IMMP2L: variants seen among roughly 807,000 people sequenced by gnomAD.
IMMP2L encodes the protein inner mitochondrial membrane peptidase subunit 2.
Under a neutral mutation model 19.3 loss-of-function variants are expected in IMMP2L, and 18 were observed. That is an observed-to-expected ratio of 0.93 (90% CI 0.64 to 1.38). The LOEUF (loss-of-function observed/expected upper bound fraction) is 1.38, where lower values mean the gene tolerates loss of function less well. IMMP2L is among the 40% of genes most tolerant of loss of function. The pLI is 0.00. For missense variants in IMMP2L, 233 were observed against 218.2 expected (o/e 1.07, Z -0.43); for synonymous variants, 76 against 73.0 (o/e 1.04, Z -0.21).
At chr7:111,154,755 T>A (rs1804455445) in intron 3 of IMMP2L, among the ~76,000 whole-genome samples, 1 of 152,060 alleles carries the variant, frequency 6.6e-6, no homozygotes, top group African/African-American at 2.4e-5. Flanking sequence ...CTTTCTTTGT[T>A]GTTATTGTTG....
chr7:111,218,751 G>A (rs763172589), intron 3 of IMMP2L, among the ~76,000 whole-genome samples: 16 of 151,894 alleles, frequency 1.1e-4, no homozygotes, highest in Non-Finnish European at 2.1e-4. Flanking sequence ...CCAGGGCTAC[G>A]TACATCAATG....
At chr7:110,914,067 T>C (rs1421726832) in intron 4 of IMMP2L, among the ~76,000 whole-genome samples, 1 of 152,174 alleles carries the variant, frequency 6.6e-6, no homozygotes, top group Non-Finnish European at 1.5e-5. Context: ...TCAAAAAAAC[T>C]GTTGCCATGA....
At position 111,213,183 on chromosome 7, in the gene IMMP2L, G is replaced by C. The variant is rs1413137056; in HGVS notation, c.240-249618C>G. The stretch of plus-strand genomic sequence containing the variant: ...ACTGCCTCGCCTCTCCTTGCTCCCT[G>C]CACTTGCTCCGATCTTGGAGTGGAG... On this transcript the variant is annotated intron_variant, in intron 3 of 5. Transcript: ENST00000405709. The surrounding 1 kb of genome is among the most constrained non-coding windows in gnomAD (Gnocchi z 4.8). 6.6e-6 allele frequency among the ~76,000 whole-genome samples: 1 copy of C among 152,234 alleles called. No individual in the cohort carries two copies. Among genetic ancestry groups the C allele is most frequent in the African/African-American group, 2.4e-5 (1 of 41,460 alleles).
At chr7:111,115,406 C>T (rs1799758587) in intron 3 of IMMP2L, among the ~76,000 whole-genome samples, 1 of 152,044 alleles carries the variant, frequency 6.6e-6, no homozygotes, top group Non-Finnish European at 1.5e-5. Context: ...AATATAACTA[C>T]AAATCAGAAT....
chr7:111,530,190 T>TTCCAGATG lies in IMMP2L; in HGVS notation c.-2-8742_-2-8741insCATCTGGA, dbSNP rs746015669. ...TTTTCATCTGTGAAACCTTGCAGGG[T>TTCCAGATG]TTCCAGAGGTTCAAAATGTTCATAT... On this transcript the variant is annotated intron_variant, in intron 1 of 5. Coordinates refer to ENST00000405709, the MANE Select transcript of IMMP2L (RefSeq NM_032549.4). Among the ~76,000 whole-genome samples, 914 of 152,268 alleles carry TTCCAGATG rather than the reference T, an allele frequency of 6.0e-3. 3 individuals are homozygous for TTCCAGATG. Among genetic ancestry groups the TTCCAGATG allele is most frequent in the Non-Finnish European group, 9.5e-3 (645 of 68,004 alleles).
At chr7:110,724,893 CTG>C (rs1795793935) in intron 5 of IMMP2L, among the ~76,000 whole-genome samples, 1 of 152,116 alleles carries the variant, frequency 6.6e-6, no homozygotes, top group Non-Finnish European at 1.5e-5. Flanking sequence ...CAAGAATTGG[CTG>C]TGAGATGTTA....
At chr7:111,016,914 T>C (rs1347326489) in intron 3 of IMMP2L, among the ~76,000 whole-genome samples, 2 of 91,840 alleles carry the variant, frequency 2.2e-5, no homozygotes, top group Non-Finnish European at 3.8e-5. Context: ...TATAATTATA[T>C]ATATATTTAT....
At chr7:110,929,359 C>G (rs1815221556) in intron 4 of IMMP2L, among the ~76,000 whole-genome samples, 1 of 152,122 alleles carries the variant, frequency 6.6e-6, no homozygotes, top group South Asian at 2.1e-4. Context: ...ATATTTCCCT[C>G]CGTTTGAGAA....
At chr7:111,005,160 G>A (rs1352588566) in intron 3 of IMMP2L, among the ~76,000 whole-genome samples, 1 of 152,092 alleles carries the variant, frequency 6.6e-6, no homozygotes, top group Non-Finnish European at 1.5e-5. Flanking sequence ...GGTTCACTCT[G>A]TTGGTTTCCA....
intron 3 of IMMP2L, among the ~76,000 whole-genome samples, chr7:111,033,594 A>G (rs551933591): frequency 2.0e-5 from 3 of 152,360 alleles, no homozygotes; most frequent in Admixed American, 2.0e-4. Flanking sequence ...TAGTAAACAA[A>G]CTGTGATACA....
chr7:111,489,306 G>C (rs1047795125), intron 2 of IMMP2L, among the ~76,000 whole-genome samples: 7 of 152,032 alleles, frequency 4.6e-5, no homozygotes, highest in Admixed American at 1.3e-4. Context: ...GCCTCCCAAA[G>C]TGCTGGGATT....
chr7:111,105,488 G>T (rs1010537352), intron 3 of IMMP2L, among the ~76,000 whole-genome samples: 1 of 151,794 alleles, frequency 6.6e-6, no homozygotes, highest in South Asian at 2.1e-4. Context: ...ACTTACTGAC[G>T]GACAATTTAC....
At chr7:110,862,214 T>A (rs1384633638) in intron 5 of IMMP2L, among the ~76,000 whole-genome samples, 1 of 151,626 alleles carries the variant, frequency 6.6e-6, no homozygotes, top group Non-Finnish European at 1.5e-5. Flanking sequence ...TTAAAGTCAA[T>A]TTTTTTTAAT....
chr7:111,348,064 C>G (rs1257190775), intron 3 of IMMP2L, among the ~76,000 whole-genome samples: 1 of 145,556 alleles, frequency 6.9e-6, no homozygotes, highest in African/African-American at 2.6e-5. Flanking sequence ...TGCATGTTCT[C>G]ACTCATAGGT....
At chr7:111,267,623 G>A (rs1172490782) in intron 3 of IMMP2L, among the ~76,000 whole-genome samples, 1 of 152,124 alleles carries the variant, frequency 6.6e-6, no homozygotes, top group Non-Finnish European at 1.5e-5. Context: ...TTCTAAGGAG[G>A]ACATTCTTAA....
intron 3 of IMMP2L, among the ~76,000 whole-genome samples, chr7:110,995,574 T>C (rs1160822993): frequency 2.6e-5 from 4 of 152,184 alleles, no homozygotes; most frequent in Non-Finnish European, 5.9e-5. Context: ...TCAACATCCA[T>C]AAACAGTTGT....
chr7:110,701,884 T>C (rs764984330), intron 5 of IMMP2L, among the ~76,000 whole-genome samples: 1 of 152,216 alleles, frequency 6.6e-6, no homozygotes, highest in Non-Finnish European at 1.5e-5. Context: ...TAATTTGATT[T>C]CTATATGTGT....
At chr7:110,789,833 C>T (rs1414595550) in intron 5 of IMMP2L, among the ~76,000 whole-genome samples, 1 of 151,478 alleles carries the variant, frequency 6.6e-6, no homozygotes, top group Non-Finnish European at 1.5e-5. Flanking sequence ...TTTTCTATTC[C>T]TTCTCCCTGG....
intron 5 of IMMP2L, among the ~76,000 whole-genome samples, chr7:110,683,884 C>T (rs187781076): frequency 1.6e-4 from 25 of 152,114 alleles, no homozygotes; most frequent in Non-Finnish European, 2.6e-4. Context: ...TGCTTTTCTA[C>T]TTTGATTACA....
Sources: gnomAD v4.1 joint callset for allele counts (sites outside exome capture counted in the v4.1 genomes callset) on GRCh38, gnomAD v4.1.1 for gene constraint, Gnocchi (gnomAD v3.1) non-coding constraint, MANE v1.5 for transcripts, NCBI Gene and HGNC (gene_info 2026-07-23, HGNC 2026-07-21) for gene names.